The following NAALADL2 variants were observed in gnomAD, a reference collection of about 807,000 sequenced individuals.
NAALADL2 encodes inactive N-acetylated-alpha-linked acidic dipeptidase-like protein 2.
In NAALADL2, 76 loss-of-function variants were observed where a neutral mutation model predicts 87.2. That is an observed-to-expected ratio of 0.87 (90% CI 0.72 to 1.05). The LOEUF is 1.05. NAALADL2 is among the 50% of genes least tolerant of loss of function. NAALADL2 has a pLI of 0.00. For synonymous variants in NAALADL2, 354 were observed against 331.0 expected (o/e 1.07, Z -0.75); for missense variants, 1,089 against 945.8 (o/e 1.15, Z -1.99).
chr3:174,508,505 C>G (rs922932506), intron 1 of NAALADL2, among the ~76,000 whole-genome samples: 3 of 152,052 alleles, frequency 2.0e-5, no homozygotes, highest in African/African-American at 4.8e-5. Context: ...CCAACATCTA[C>G]AAAAAAGCCT....
intron 5 of NAALADL2, among the ~76,000 whole-genome samples, chr3:175,404,449 G>T (rs941470790): frequency 6.6e-6 from 1 of 152,102 alleles, no homozygotes; most frequent in Non-Finnish European, 1.5e-5. Flanking sequence ...ACTTCTGAAG[G>T]AAGATCAGTT....
At chr3:174,722,102 C>G (rs573746933) in intron 2 of NAALADL2, among the ~76,000 whole-genome samples, 1 of 152,222 alleles carries the variant, frequency 6.6e-6, no homozygotes, top group East Asian at 1.9e-4. Context: ...TATTTAGGGC[C>G]CTTTCCCATT....
chr3:175,611,774 G>A (rs1317754986), intron 10 of NAALADL2, among the ~76,000 whole-genome samples: 2 of 152,138 alleles, frequency 1.3e-5, no homozygotes, highest in Non-Finnish European at 2.9e-5. Flanking sequence ...ATTTGTTGAA[G>A]TGAAGCATGG....
intron 11 of NAALADL2, among the ~76,000 whole-genome samples, chr3:175,686,769 G>A (rs145012333): frequency 7.2e-5 from 11 of 152,052 alleles, no homozygotes; most frequent in Middle Eastern, 6.8e-3. Flanking sequence ...CATTTTTTCC[G>A]TGACTATTTG....
chr3:175,604,682 T>A (rs1723447136), intron 10 of NAALADL2, among the ~76,000 whole-genome samples: 1 of 152,204 alleles, frequency 6.6e-6, no homozygotes, highest in Non-Finnish European at 1.5e-5. Flanking sequence ...TAATTTTTCC[T>A]CTTGATTAGG....
At chr3:174,460,014 A>T (rs1716105447) in intron 1 of NAALADL2, among the ~76,000 whole-genome samples, 1 of 152,162 alleles carries the variant, frequency 6.6e-6, no homozygotes, top group Admixed American at 6.5e-5. Context: ...AGCTAAACCC[A>T]AAACAGTCTT....
At chr3:175,499,066 T>G (rs1046749981) in intron 9 of NAALADL2, among the ~76,000 whole-genome samples, 1 of 152,128 alleles carries the variant, frequency 6.6e-6, no homozygotes, top group African/African-American at 2.4e-5. Context: ...ACATACTTAT[T>G]ATGCATTTTC....
chr3:174,899,152 G>A (rs529317496), intron 1 of NAALADL2, among the ~76,000 whole-genome samples: 96 of 152,068 alleles, frequency 6.3e-4, no homozygotes, highest in Non-Finnish European at 9.9e-4. Flanking sequence ...CATACAAAGT[G>A]CAAGAACTAA....
intron 12 of NAALADL2, among the ~76,000 whole-genome samples, chr3:175,739,302 G>C (rs1744941180): frequency 6.6e-6 from 1 of 152,008 alleles, no homozygotes; most frequent in Non-Finnish European, 1.5e-5. Flanking sequence ...GTGACGATTC[G>C]GTTGTCAGGC....
chr3:175,504,075 A>T (rs1482868153), intron 9 of NAALADL2, among the ~76,000 whole-genome samples: 1 of 152,188 alleles, frequency 6.6e-6, no homozygotes, highest in Non-Finnish European at 1.5e-5. Context: ...TTTACATTTA[A>T]GTCTTTAATG....
intron 9 of NAALADL2, among the ~76,000 whole-genome samples, chr3:175,545,507 T>A (rs1243683371): frequency 6.6e-6 from 1 of 152,110 alleles, no homozygotes; most frequent in Non-Finnish European, 1.5e-5. Context: ...GTTTGTTGTG[T>A]TTGCAGACAC....
chr3:175,436,295 A>C lies in NAALADL2; in HGVS notation c.1091-10934A>C, dbSNP rs898614214. 2.9e-4 allele frequency among the ~76,000 whole-genome samples: 43 copies of C among 148,224 alleles called. 5 individuals carry two copies. Among genetic ancestry groups the C allele is most frequent in the Admixed American group, 1.6e-3 (23 of 14,584 alleles). ...TTCCAAGTCTTTGCTATTGTGAATA[A>C]TGCCGCAATAAACATACGTGTGCAT... On this transcript the variant is annotated intron_variant, in intron 5 of 13. Transcript: ENST00000454872.
At chr3:174,717,923 C>A (rs936569251) in intron 2 of NAALADL2, among the ~76,000 whole-genome samples, 1 of 151,912 alleles carries the variant, frequency 6.6e-6, no homozygotes, top group African/African-American at 2.4e-5. Context: ...GTCAGGAGTT[C>A]GAGACTAGCC....
intron 3 of NAALADL2, among the ~76,000 whole-genome samples, chr3:174,816,194 C>T (rs1412056438): frequency 6.6e-6 from 1 of 151,690 alleles, no homozygotes; most frequent in Non-Finnish European, 1.5e-5. Flanking sequence ...TACTCCTATC[C>T]TCTTCTTCAT....
intron 1 of NAALADL2, among the ~76,000 whole-genome samples, chr3:175,056,801 C>A (rs1468997774): frequency 6.6e-6 from 1 of 152,196 alleles, no homozygotes; most frequent in East Asian, 1.9e-4. Flanking sequence ...ATCCTTAAGG[C>A]ACAGATCACT....
At chr3:174,501,004 C>T (rs1718844057) in intron 1 of NAALADL2, among the ~76,000 whole-genome samples, 1 of 149,822 alleles carries the variant, frequency 6.7e-6, no homozygotes, top group East Asian at 2.0e-4. Flanking sequence ...TTATAGGCGC[C>T]CGCCACCATG....
chr3:174,685,958 G>A (rs566245586), intron 2 of NAALADL2, among the ~76,000 whole-genome samples: 6 of 152,082 alleles, frequency 3.9e-5, no homozygotes, highest in Non-Finnish European at 7.4e-5. Flanking sequence ...AAAGATAATG[G>A]CCTCTAGCTT....
chr3:174,565,511 A>G (rs1222464756), intron 2 of NAALADL2, among the ~76,000 whole-genome samples: 1 of 152,016 alleles, frequency 6.6e-6, no homozygotes, highest in African/African-American at 2.4e-5. Flanking sequence ...TAGCTCATCT[A>G]TCTTTATTTC....
At chr3:175,106,263 A>G (rs939414807) in intron 2 of NAALADL2, among the ~76,000 whole-genome samples, 1 of 152,080 alleles carries the variant, frequency 6.6e-6, no homozygotes. Flanking sequence ...TGTTGGAACC[A>G]TTAATTTTTC....
Sources: gnomAD v4.1 joint callset for allele counts (sites outside exome capture counted in the v4.1 genomes callset) on GRCh38, gnomAD v4.1.1 for gene constraint, MANE v1.5 for transcripts, NCBI Gene and HGNC (gene_info 2026-07-23, HGNC 2026-07-21) for gene names.